Variants in LARP1B observed in about 807,000 individuals in gnomAD.
The protein encoded by LARP1B is La ribonucleoprotein 1B, also known as la-related protein 1B.
LARP1B carries 76 observed loss-of-function variants against 114.2 expected under a neutral mutation model. The observed-to-expected ratio is 0.67, with a 90% CI of 0.55 to 0.81. The LOEUF is 0.81. Ranked by LOEUF, LARP1B falls within the 30% of genes least tolerant of loss-of-function variation. The pLI is 0.00. For synonymous variants in LARP1B, 345 were observed against 348.0 expected (o/e 0.99, Z 0.10); for missense variants, 1,014 against 1,075.8 (o/e 0.94, Z 0.80).
chr4:128,155,140 T>G (rs1734872609), intron 11 of LARP1B, among the ~76,000 whole-genome samples: 1 of 152,176 alleles, frequency 6.6e-6, no homozygotes, highest in African/African-American at 2.4e-5. Flanking sequence ...AGGCAAGGTA[T>G]AAATTTATTA....
intron 15 of LARP1B, among the ~76,000 whole-genome samples, chr4:128,198,573 C>T (rs183066606): frequency 1.0e-3 from 155 of 152,304 alleles, no homozygotes; most frequent in Non-Finnish European, 1.8e-3. Flanking sequence ...GTTTTACACA[C>T]CATTGCTTTT....
intron 11 of LARP1B, among the ~76,000 whole-genome samples, chr4:128,146,772 T>C (rs1030121074): frequency 1.3e-5 from 2 of 152,182 alleles, no homozygotes; most frequent in Non-Finnish European, 2.9e-5. Flanking sequence ...ATACAAGATA[T>C]TTCAAAGCAG....
chr4:128,065,541 G>A (rs1762482900), intron 1 of LARP1B, among the ~76,000 whole-genome samples: 1 of 151,708 alleles, frequency 6.6e-6, no homozygotes, highest in Non-Finnish European at 1.5e-5. Context: ...AAAGAAACAG[G>A]ACCACAGTCT....
At chr4:128,164,410 C>G (rs1383198259) in intron 12 of LARP1B, among the ~76,000 whole-genome samples, 1 of 151,840 alleles carries the variant, frequency 6.6e-6, no homozygotes, top group Non-Finnish European at 1.5e-5. Flanking sequence ...AGAAAGCATA[C>G]AAGTCACAAA....
intron 6 of LARP1B, among the ~76,000 whole-genome samples, chr4:128,219,642 T>C (rs1371685503): frequency 9.7e-6 from 1 of 103,238 alleles, no homozygotes; most frequent in Non-Finnish European, 1.9e-5. Context: ...CTGGGGACTG[T>C]GGTGGGGTGG....
chr4:128,188,545 A>G (rs1253639293), intron 15 of LARP1B, among the ~76,000 whole-genome samples: 1 of 151,794 alleles, frequency 6.6e-6, no homozygotes, highest in Non-Finnish European at 1.5e-5. Context: ...CTTTCTACTA[A>G]TTTTGGGTTT....
At chr4:128,155,432 G>A in intron 11 of LARP1B, 1 of 691,754 alleles carries the variant, frequency 1.4e-6, no homozygotes, top group African/African-American at 1.7e-5. Flanking sequence ...TCCGGGAATG[G>A]CGTGGGTATG....
chr4:128,079,092 CTTT>C (rs75874776), intron 4 of LARP1B, among the ~76,000 whole-genome samples: 268 of 142,284 alleles, frequency 1.9e-3, no homozygotes, highest in Middle Eastern at 3.6e-3. Context: ...AATAGTTTGT[CTTT>C]TTTTTTTTTT....
intron 1 of LARP1B, among the ~76,000 whole-genome samples, chr4:128,072,530 C>T (rs986315574): frequency 1.3e-5 from 2 of 151,656 alleles, no homozygotes; most frequent in African/African-American, 2.4e-5. Context: ...CTTTCTTAGG[C>T]TTCTTTTACT....
chr4:128,086,222 G>A (rs1409451550), intron 5 of LARP1B, among the ~76,000 whole-genome samples: 1 of 151,916 alleles, frequency 6.6e-6, no homozygotes, highest in South Asian at 2.1e-4. Flanking sequence ...AGCCAGGATG[G>A]TCTTGATCTC....
intron 12 of LARP1B, among the ~76,000 whole-genome samples, chr4:128,173,035 CTT>C (rs1744476225): frequency 2.0e-5 from 3 of 151,118 alleles, no homozygotes; most frequent in South Asian, 4.2e-4. Flanking sequence ...ATTGGGTTCT[CTT>C]TTATACTGCC....
Position 128,084,851 on chromosome 4 carries a change from T to C in LARP1B, c.358+2546T>C, listed in dbSNP as rs539134727. 5.9e-5 allele frequency among the ~76,000 whole-genome samples: 9 copies of C among 152,058 alleles called. No homozygotes were observed. The South Asian group carries it at 1.9e-3, about 32-fold the overall frequency. On this transcript the variant is annotated intron_variant, in intron 5 of 19. Coordinates refer to ENST00000326639, the MANE Select transcript of LARP1B (RefSeq NM_018078.4). Reference sequence around the variant, plus strand: ...ATTATTAGTTTGATTACAACATTGATTATTATTATTATTATTTGTTTTTTG... The same window carrying C: ...ATTATTAGTTTGATTACAACATTGACTATTATTATTATTATTTGTTTTTTG...
chr4:128,087,377 G>T (rs542635182), intron 5 of LARP1B, among the ~76,000 whole-genome samples: 24 of 152,108 alleles, frequency 1.6e-4, no homozygotes, highest in Admixed American at 2.6e-4. Flanking sequence ...AAATTTTACA[G>T]ACTTAATATT....
intron 4 of LARP1B, among the ~76,000 whole-genome samples, chr4:128,079,802 C>T (rs141361695): frequency 7.9e-5 from 12 of 151,866 alleles, no homozygotes; most frequent in African/African-American, 1.7e-4. Context: ...TGGGCTCAAG[C>T]GATCCATCTG....
At chr4:128,153,206 C>T (rs1010184298) in intron 11 of LARP1B, among the ~76,000 whole-genome samples, 2 of 151,396 alleles carry the variant, frequency 1.3e-5, no homozygotes, top group Admixed American at 1.3e-4. Context: ...TGGTCTTGAA[C>T]TCCTGACCTC....
chr4:128,155,847 G>A (rs1198056305), intron 11 of LARP1B: 2 of 1,571,166 alleles, frequency 1.3e-6, no homozygotes, highest in African/African-American at 2.7e-5. Flanking sequence ...AGATCGAGGA[G>A]CTGCAGAAGC....
intron 11 of LARP1B, among the ~76,000 whole-genome samples, chr4:128,150,724 G>A (rs1175222522): frequency 2.0e-5 from 3 of 151,746 alleles, no homozygotes; most frequent in Non-Finnish European, 4.4e-5. Flanking sequence ...GCAAGACTCT[G>A]TCTTGGGAAA....
chr4:128,162,214 G>C lies in LARP1B; in HGVS notation c.1545G>C (p.Lys515Asn). Residue 515 changes from lysine to asparagine, a missense_variant, in exon 12 of 20, where the codon AAG (lysine) becomes AAC (asparagine). Coordinates refer to ENST00000326639, the MANE Select transcript of LARP1B (RefSeq NM_018078.4). ...TTCAGCAAGAAGTTGAGAACTTTAA[G>C]AAGCTAAATCTCATTAGTAAAGAGC... ...TAIKQEVENF[K>N]KLNLISKEQF... 1 of 1,612,452 alleles carries C rather than the reference G, an allele frequency of 6.2e-7. No individual in the cohort carries two copies. The highest frequency in any genetic ancestry group is 8.5e-7 in the Non-Finnish European group (1 of 1,179,014).
chr4:128,217,127 G>C (rs1273904548), intron 6 of LARP1B, among the ~76,000 whole-genome samples: 1 of 147,384 alleles, frequency 6.8e-6, no homozygotes, highest in Non-Finnish European at 1.5e-5. Context: ...CCAATAACAG[G>C]CTCTGAAATT....
Sources: gnomAD v4.1 joint callset for allele counts (sites outside exome capture counted in the v4.1 genomes callset) on GRCh38, gnomAD v4.1.1 for gene constraint, MANE v1.5 for transcripts, NCBI Gene and HGNC (gene_info 2026-07-23, HGNC 2026-07-21) for gene names.